Variants in ESYT2 observed in about 807,000 individuals in gnomAD.
ESYT2 encodes extended synaptotagmin-2.
A neutral mutation model predicts 107.2 loss-of-function variants in ESYT2; 54 were observed. The ratio of observed to expected loss-of-function variants is 0.50; its 90% CI spans 0.40 to 0.63. The LOEUF (loss-of-function observed/expected upper bound fraction) is 0.63. ESYT2 is among the 30% of genes least tolerant of loss of function. The pLI, the probability that ESYT2 is intolerant of heterozygous loss-of-function variation, is 0.00. For missense variants in ESYT2, 1,020 were observed against 1,094.5 expected (o/e 0.93, Z 0.96); for synonymous variants, 491 against 434.1 (o/e 1.13, Z -1.63).
At chr7:158,795,680 C>T (rs1320510644) in intron 3 of ESYT2, among the ~76,000 whole-genome samples, 2 of 152,244 alleles carry the variant, frequency 1.3e-5, no homozygotes, top group African/African-American at 4.8e-5. Context: ...GGACTTTAAC[C>T]TGCACTCACA....
At chr7:158,759,014 C>T (rs977494031) in intron 13 of ESYT2, among the ~76,000 whole-genome samples, 2 of 152,208 alleles carry the variant, frequency 1.3e-5, no homozygotes, top group African/African-American at 4.8e-5. Flanking sequence ...CCCAGGCACC[C>T]GGAGGCCAGC....
chr7:158,823,124 C>T (rs1034746190), intron 1 of ESYT2, among the ~76,000 whole-genome samples: 2 of 151,282 alleles, frequency 1.3e-5, no homozygotes, highest in African/African-American at 4.9e-5. Context: ...GAAACCCTGT[C>T]TGCACTATAA....
chr7:158,764,923 G>C (rs775498302), intron 8 of ESYT2, 70 bp from the exon 9 acceptor site: 26 of 1,471,192 alleles, frequency 1.8e-5, no homozygotes, highest in Non-Finnish European at 2.2e-5. Context: ...AGATAGCTAC[G>C]CACCTAACCC....
chr7:158,828,866 G>A (rs909497480), intron 1 of ESYT2, among the ~76,000 whole-genome samples: 6 of 151,158 alleles, frequency 4.0e-5, no homozygotes, highest in African/African-American at 4.9e-5. Flanking sequence ...GCAGGTCGCA[G>A]GAACCGGCCC....
In ESYT2 at chr7:158,739,044, A is replaced by G. The variant is rs950440010; in HGVS notation, c.2246T>C (p.Ile749Thr). 6.2e-7 allele frequency: 1 copy of G among 1,613,930 alleles called. No individual in the cohort carries two copies. Among genetic ancestry groups the G allele is most frequent in the Non-Finnish European group, 8.5e-7 (1 of 1,179,970 alleles). The change falls in exon 19 of 23, where the codon ATC (isoleucine) becomes ACC (threonine). Residue 749 changes from isoleucine (I) to threonine (T), a missense_variant. Physicochemically the swap from Ile to Thr is moderately conservative, Grantham distance 89 (BLOSUM62 -1). Transcript: ENST00000275418. ...CCACCTGCAGGCATGCACGACCACG[A>G]TAAGCTTGTTTCTCTGCGAGCTGTG... ...IRHSSQRNKL[I>T]VVVHACRNLI...
At chr7:158,746,674 C>T (rs1416597296) in intron 16 of ESYT2, among the ~76,000 whole-genome samples, 1 of 151,992 alleles carries the variant, frequency 6.6e-6, no homozygotes, top group Non-Finnish European at 1.5e-5. Flanking sequence ...TAAATTAGGG[C>T]AAATAATAAT....
rs34592555 is a variant in ESYT2 at position 158,825,418 on chromosome 7, T to C, written c.330+3671A>G. 5.0e-3 allele frequency among the ~76,000 whole-genome samples: 762 copies of C among 152,362 alleles called. 4 individuals carry two copies. The highest frequency in any genetic ancestry group is 7.4e-3 in the Non-Finnish European group (506 of 68,036). On this transcript the variant is annotated intron_variant, in intron 1 of 22. Transcript: ENST00000275418. ...AAACAACAAAAAGCCCTGTCCTCAA[T>C]TCATCCAGCCTGCCAGGCCTTTCCC...
Position 158,735,627 on chromosome 7 carries a change from G to A in ESYT2, c.2400-19C>T, listed in dbSNP as rs1283156796. On this transcript the variant is annotated intron_variant, in intron 20 of 22. Coordinates refer to ENST00000275418, the MANE Select transcript of ESYT2 (RefSeq NM_001367773.1). ...ATCAAAGCTGAAATAGGAAACGAGA[G>A]CCTTACTTTATCCATCATTCTGCTG... is the stretch of plus-strand genomic sequence containing the variant. 1 of 1,594,578 alleles carries A rather than the reference G, an allele frequency of 6.3e-7. No individual in the cohort carries two copies. The highest frequency in any genetic ancestry group is 1.7e-5 in the Admixed American group (1 of 59,820).
At chr7:158,771,835 C>G (rs1166960488) in intron 7 of ESYT2, among the ~76,000 whole-genome samples, 1 of 152,090 alleles carries the variant, frequency 6.6e-6, no homozygotes, top group Non-Finnish European at 1.5e-5. Flanking sequence ...ATATTATTTA[C>G]TGGCCGGGTG....
At chr7:158,745,099 A>G (rs1837351790) in intron 16 of ESYT2, among the ~76,000 whole-genome samples, 1 of 152,230 alleles carries the variant, frequency 6.6e-6, no homozygotes, top group African/African-American at 2.4e-5. Context: ...CAAAAACTCC[A>G]ATTACTTTTG....
chr7:158,788,339 A>T lies in ESYT2; in HGVS notation c.657+6T>A. 1 of 1,601,776 alleles carries T rather than the reference A, an allele frequency of 6.2e-7. No individual in the cohort carries two copies. Among genetic ancestry groups the T allele is most frequent in the Non-Finnish European group, 8.5e-7 (1 of 1,176,494 alleles). On this transcript the variant is annotated splice_donor_region_variant and intron_variant, in intron 5 of 22. Coordinates refer to ENST00000275418, the MANE Select transcript of ESYT2 (RefSeq NM_001367773.1). Reference sequence around the variant, plus strand: ...TCAAATTAAAACAAAAAAACAAAAAACTTACCTGGATACTTTTCACACCAG... The same window carrying T: ...TCAAATTAAAACAAAAAAACAAAAATCTTACCTGGATACTTTTCACACCAG...
At chr7:158,822,363 G>A (rs1840309521) in intron 1 of ESYT2, among the ~76,000 whole-genome samples, 1 of 152,160 alleles carries the variant, frequency 6.6e-6, no homozygotes, top group African/African-American at 2.4e-5. Context: ...ATAACTCACG[G>A]AAAAACAGAT....
At chr7:158,743,367 C>T (rs1837279305) in intron 17 of ESYT2, among the ~76,000 whole-genome samples, 162 bp downstream of exon 17, 1 of 152,146 alleles carries the variant, frequency 6.6e-6, no homozygotes, top group Admixed American at 6.5e-5. Context: ...CCTCTGATAC[C>T]CAGCAACAAT....
chr7:158,737,787 A>G (rs1033887764), intron 19 of ESYT2, among the ~76,000 whole-genome samples: 5 of 152,240 alleles, frequency 3.3e-5, no homozygotes, highest in Middle Eastern at 3.4e-3. Context: ...TTATTTTCCT[A>G]TGTTTCCAAC....
chr7:158,736,982 T>C, intron 20 of ESYT2, 66 bp downstream of exon 20: 1 of 1,592,856 alleles, frequency 6.3e-7, no homozygotes, highest in Non-Finnish European at 8.6e-7. Context: ...AAAGGCACCA[T>C]TTAGGGCCTT....
intron 16 of ESYT2, among the ~76,000 whole-genome samples, chr7:158,746,701 G>A (rs11971757): frequency 0.16 from 23,753 of 151,812 alleles, 3,148 homozygotes; most frequent in East Asian, 0.55. Flanking sequence ...AACAAAGACT[G>A]AACAACTGCA....
chr7:158,792,160 C>CTTTTTTTT (rs113589859), intron 4 of ESYT2, among the ~76,000 whole-genome samples: 7 of 123,338 alleles, frequency 5.7e-5, no homozygotes, highest in African/African-American at 1.2e-4. Flanking sequence ...TCCACGAGTT[C>CTTTTTTTT]TTTTTTTTTT....
intron 6 of ESYT2, among the ~76,000 whole-genome samples, chr7:158,777,329 C>T (rs75374561): frequency 1.3e-5 from 2 of 152,102 alleles, no homozygotes; most frequent in South Asian, 2.1e-4. Flanking sequence ...TCAGAAGATA[C>T]GACATTTACC....
At position 158,732,092 on chromosome 7, in the gene ESYT2, A is replaced by C. The variant is rs1193601328; in HGVS notation, c.*2115T>G. On this transcript the variant is annotated 3_prime_UTR_variant, in exon 23 of 23. Transcript: ENST00000275418. ...CCTTTAATTGTGTCTACTCTGCCTA[A>C]GTGCTTAAATAAAGCATTCCATTAA... 1.3e-5 allele frequency: 2 copies of C among 152,244 alleles called. No homozygotes were observed. The highest frequency in any genetic ancestry group is 2.9e-5 in the Non-Finnish European group (2 of 68,058). 9.4% of individuals were successfully genotyped at this position (152,244 alleles called of 1,614,324 possible). A position where few individuals can be genotyped will look rare whatever the true frequency, so the allele number is the denominator to read the frequency against.
Sources: gnomAD v4.1 joint callset for allele counts (sites outside exome capture counted in the v4.1 genomes callset) on GRCh38, gnomAD v4.1.1 for gene constraint, MANE v1.5 for transcripts, NCBI Gene and HGNC (gene_info 2026-07-23, HGNC 2026-07-21) for gene names.